The following B3GALT1 variants were observed in gnomAD, a reference collection of about 807,000 sequenced individuals.
The protein encoded by B3GALT1 is beta-1,3-galactosyltransferase 1, also known as UDP-Gal:betaGlcNAc beta 1,3-galactosyltransferase, polypeptide 1.
A neutral mutation model predicts 23.2 loss-of-function variants in B3GALT1; 10 were observed. The observed-to-expected ratio is 0.43, with a 90% confidence interval of 0.27 to 0.73. The LOEUF (loss-of-function observed/expected upper bound fraction) is 0.73. Among genes scored for constraint, B3GALT1 ranks in the 30% least tolerant of loss-of-function variants. The pLI, the probability that B3GALT1 is intolerant of heterozygous loss-of-function variation, is 0.21. For synonymous variants in B3GALT1, 156 were observed against 141.5 expected, an observed-to-expected ratio of 1.10 and a Z score of -0.73; for missense variants, 299 against 405.4, an observed-to-expected ratio of 0.74 and a Z score of 2.25.
At chr2:167,787,211 G>T (rs1688356040) in intron 3 of B3GALT1, among the ~76,000 whole-genome samples, 1 of 152,148 alleles carries the variant, frequency 6.6e-6, no homozygotes, top group Non-Finnish European at 1.5e-5. Context: ...TAACAGTGTT[G>T]CTATGGACAA....
At chr2:167,700,329 G>A (rs548478850) in intron 3 of B3GALT1, among the ~76,000 whole-genome samples, 2 of 152,016 alleles carry the variant, frequency 1.3e-5, no homozygotes, top group African/African-American at 2.4e-5. Context: ...TATGGGAAAG[G>A]TTACCTTTTC....
At chr2:167,789,914 A>T (rs977241489) in intron 3 of B3GALT1, among the ~76,000 whole-genome samples, 1 of 152,142 alleles carries the variant, frequency 6.6e-6, no homozygotes, top group Non-Finnish European at 1.5e-5. Context: ...ACCGTGCGGT[A>T]GGCCCACTCC....
At chr2:167,763,597 A>T (rs559692093) in intron 3 of B3GALT1, among the ~76,000 whole-genome samples, 1 of 147,696 alleles carries the variant, frequency 6.8e-6, no homozygotes, top group African/African-American at 2.5e-5. Context: ...AGGCTGAGGC[A>T]TGAGAATCAC....
At chr2:167,769,913 G>T (rs1383074089) in intron 3 of B3GALT1, among the ~76,000 whole-genome samples, 2 of 152,192 alleles carry the variant, frequency 1.3e-5, no homozygotes, top group Non-Finnish European at 2.9e-5. Context: ...ATATGTAGGA[G>T]TAAAATGTAT....
intron 1 of B3GALT1, among the ~76,000 whole-genome samples, chr2:167,324,323 A>G (rs532998529): frequency 7.4e-4 from 113 of 152,002 alleles, no homozygotes; most frequent in Non-Finnish European, 1.4e-3. Context: ...ATAGATAGAA[A>G]ATCTGTATCT....
intron 2 of B3GALT1, among the ~76,000 whole-genome samples, chr2:167,601,252 G>A (rs545869470): frequency 2.6e-4 from 40 of 152,034 alleles, no homozygotes; most frequent in Non-Finnish European, 5.7e-4. Flanking sequence ...TAGAGATGGG[G>A]TGGCCAGGAT....
chr2:167,694,890 T>A (rs2105504567), intron 3 of B3GALT1, among the ~76,000 whole-genome samples: 1 of 152,292 alleles, frequency 6.6e-6, no homozygotes, highest in South Asian at 2.1e-4. Context: ...AAGAGTTGAA[T>A]CTTAACTGTC....
intron 3 of B3GALT1, among the ~76,000 whole-genome samples, chr2:167,783,182 A>G (rs893031228): frequency 6.6e-6 from 1 of 152,162 alleles, no homozygotes; most frequent in African/African-American, 2.4e-5. Context: ...AGTGATTAGA[A>G]AGAATAAAGA....
chr2:167,527,473 T>A (rs1683241973), intron 2 of B3GALT1, among the ~76,000 whole-genome samples: 1 of 152,060 alleles, frequency 6.6e-6, no homozygotes, highest in Non-Finnish European at 1.5e-5. Context: ...AAAAAGCAAA[T>A]ACATTTGTGA....
intron 2 of B3GALT1, among the ~76,000 whole-genome samples, chr2:167,618,537 A>G (rs1228695945): frequency 6.6e-6 from 1 of 152,066 alleles, no homozygotes; most frequent in Non-Finnish European, 1.5e-5. Context: ...AAAAAAAGGT[A>G]ACAGTGAAAC....
chr2:167,774,523 A>G (rs1688129599), intron 3 of B3GALT1, among the ~76,000 whole-genome samples: 1 of 108,582 alleles, frequency 9.2e-6, no homozygotes, highest in Non-Finnish European at 1.7e-5. Context: ...TTGGAGACAG[A>G]GTCTTGCTCT....
At chr2:167,815,141 C>T (rs1688970424) in intron 3 of B3GALT1, 1 of 152,274 alleles carries the variant, frequency 6.6e-6, no homozygotes, top group African/African-American at 2.4e-5. Context: ...CTTCTTCTTT[C>T]TCCTCTCACA....
At chr2:167,709,491 T>C (rs1687017930) in intron 3 of B3GALT1, among the ~76,000 whole-genome samples, 1 of 152,164 alleles carries the variant, frequency 6.6e-6, no homozygotes, top group Admixed American at 6.5e-5. Context: ...CATTGGGTTT[T>C]TGAGTATGCT....
chr2:167,511,526 C>A (rs1730672), intron 2 of B3GALT1, among the ~76,000 whole-genome samples: 7,047 of 152,224 alleles, frequency 0.046, 541 homozygotes, highest in African/African-American at 0.16. Flanking sequence ...AATTAAACCT[C>A]TTTTCTTTAT....
intron 2 of B3GALT1, among the ~76,000 whole-genome samples, chr2:167,560,938 G>C (rs1558905440): frequency 6.6e-6 from 1 of 151,888 alleles, no homozygotes; most frequent in African/African-American, 2.4e-5. Flanking sequence ...ATTGAACTCA[G>C]CTCTGCACCA....
chr2:167,774,546 G>A (rs1350245631), intron 3 of B3GALT1, among the ~76,000 whole-genome samples: 12 of 141,054 alleles, frequency 8.5e-5, no homozygotes, highest in African/African-American at 3.2e-4. Flanking sequence ...CACCCAGGCT[G>A]GAGTGCAGTG....
At chr2:167,496,080 C>CT (rs35132967) in intron 2 of B3GALT1, among the ~76,000 whole-genome samples, 61,903 of 151,882 alleles carry the variant, frequency 0.41, 13,357 homozygotes, top group East Asian at 0.81. Flanking sequence ...GTCTCGATTT[C>CT]TTTTTTTAGT....
At chr2:167,554,118 G>A (rs1257388682) in intron 2 of B3GALT1, among the ~76,000 whole-genome samples, 1 of 152,166 alleles carries the variant, frequency 6.6e-6, no homozygotes. Flanking sequence ...TCTTCCACCT[G>A]CAAACTGTAT....
intron 3 of B3GALT1, among the ~76,000 whole-genome samples, chr2:167,743,712 T>C (rs969209088): frequency 6.6e-6 from 1 of 152,126 alleles, no homozygotes; most frequent in African/African-American, 2.4e-5. Context: ...TCTTCTCTCT[T>C]TTTCTGTTAA....
Sources: allele counts gnomAD v4.1 joint callset (sites outside exome capture counted in the v4.1 genomes callset), GRCh38; gene constraint gnomAD v4.1.1; transcripts MANE v1.5; gene names NCBI Gene and HGNC (gene_info 2026-07-23, HGNC 2026-07-21).